Variants in SLIT2 observed in about 807,000 individuals in gnomAD.
The protein encoded by SLIT2 is slit guidance ligand 2.
A neutral mutation model predicts 185.7 loss-of-function variants in SLIT2; 41 were observed. The observed-to-expected ratio is 0.22, with a 90% CI of 0.17 to 0.29. The LOEUF (loss-of-function observed/expected upper bound fraction) is 0.29, where lower values mean the gene tolerates loss of function less well. SLIT2 is among the 10% of genes least tolerant of loss of function. The pLI, the probability that SLIT2 is intolerant of heterozygous loss-of-function variation, is 1.00. For missense variants in SLIT2, 1,571 were observed against 1,909.0 expected (o/e 0.82, Z 3.30); for synonymous variants, 693 against 680.2 (o/e 1.02, Z -0.29).
intron 4 of SLIT2, among the ~76,000 whole-genome samples, chr4:20,336,219 G>A (rs751685515): frequency 5.3e-5 from 8 of 152,162 alleles, no homozygotes; most frequent in South Asian, 4.1e-4. Flanking sequence ...ATTTTAATGA[G>A]CTGAAATTAG....
In SLIT2 at chr4:20,343,161, CATCT is replaced by C. The variant is rs563977195; in HGVS notation, c.395+74286_395+74289del. On this transcript the variant is annotated intron_variant, in intron 4 of 36. Coordinates refer to ENST00000504154, the MANE Select transcript of SLIT2 (RefSeq NM_004787.4). The stretch of plus-strand genomic sequence containing the variant: ...TTCTATCAAAGGTTAGGATTTATTC[CATCT>C]ATCTAATTGTATGTTTGTACCCATT... 6.4e-3 allele frequency among the ~76,000 whole-genome samples: 966 copies of C among 151,968 alleles called. 4 individuals are homozygous for C. Among genetic ancestry groups the C allele is most frequent in the Non-Finnish European group, 0.011 (715 of 67,974 alleles).
intron 4 of SLIT2, among the ~76,000 whole-genome samples, chr4:20,449,146 T>C (rs1291233270): frequency 2.6e-5 from 4 of 152,276 alleles, no homozygotes; most frequent in Admixed American, 1.3e-4. Context: ...TCAATTGTTT[T>C]CAATTAAAGT....
chr4:20,513,453 A>G (rs892960502), intron 11 of SLIT2, among the ~76,000 whole-genome samples: 3 of 152,222 alleles, frequency 2.0e-5, no homozygotes, highest in African/African-American at 7.2e-5. Flanking sequence ...TCCATAAAAT[A>G]TATAACTACA....
intron 26 of SLIT2, among the ~76,000 whole-genome samples, chr4:20,565,654 T>C (rs1021890121): frequency 3.9e-5 from 6 of 151,946 alleles, no homozygotes; most frequent in African/African-American, 1.2e-4. Context: ...CCTTTAGTTA[T>C]TGTAGTTACC....
At chr4:20,454,147 G>C (rs1712784613) in intron 4 of SLIT2, among the ~76,000 whole-genome samples, 1 of 152,094 alleles carries the variant, frequency 6.6e-6, no homozygotes, top group African/African-American at 2.4e-5. Flanking sequence ...TTCTCCCAAG[G>C]CTTCAAACCT....
At position 20,522,942 on chromosome 4, in the gene SLIT2, G is replaced by A. The variant is rs183302844; in HGVS notation, c.1131-818G>A. The stretch of plus-strand genomic sequence containing the variant: ...ATGACAGTCAGCAGTAACATAGTAA[G>A]TTGTGTAGCAGAAAAAAAATGTATA... On this transcript the variant is annotated intron_variant, in intron 12 of 36. Coordinates refer to ENST00000504154, the MANE Select transcript of SLIT2 (RefSeq NM_004787.4). Among the ~76,000 whole-genome samples, 4 of 152,156 alleles carry A rather than the reference G, an allele frequency of 2.6e-5. No homozygotes were observed. The East Asian group carries it at 7.7e-4, about 29-fold the overall frequency.
Position 20,451,979 on chromosome 4 carries a change from C to T in SLIT2, c.396-15773C>T, listed in dbSNP as rs180703983. Among the ~76,000 whole-genome samples, 10 of 152,230 alleles carry T rather than the reference C, an allele frequency of 6.6e-5. No individual in the cohort carries two copies. The East Asian group carries it at 7.7e-4, about 12-fold the overall frequency. On this transcript the variant is annotated intron_variant, in intron 4 of 36. Transcript: ENST00000504154. ...CAAAACAACCAAAGCATTTGCGTTA[C>T]GTTAAAAATGTTAAAAGTAAATTTT...
At position 20,404,983 on chromosome 4, in the gene SLIT2, G is replaced by T. The variant is rs76681288; in HGVS notation, c.396-62769G>T. Among the ~76,000 whole-genome samples, 720 of 151,332 alleles carry T rather than the reference G, an allele frequency of 4.8e-3. 6 individuals carry two copies. Among genetic ancestry groups the T allele is most frequent in the African/African-American group, 0.017 (685 of 41,330 alleles). On this transcript the variant is annotated intron_variant, in intron 4 of 36. Coordinates refer to ENST00000504154, the MANE Select transcript of SLIT2 (RefSeq NM_004787.4). Reference sequence around the variant, plus strand: ...AACATTTTTATGAACCTCTGTAAAAGATTTTATTTGTATATAATTCTCTGA... The same window carrying T: ...AACATTTTTATGAACCTCTGTAAAATATTTTATTTGTATATAATTCTCTGA...
chr4:20,617,589 A>G lies in SLIT2; in HGVS notation c.4287A>G (p.Ser1429=). 6.2e-7 allele frequency: 1 copy of G among 1,613,462 alleles called. No homozygotes were observed. The highest frequency in any genetic ancestry group is 1.3e-5 in the African/African-American group (1 of 75,038). The stretch of plus-strand genomic sequence containing the variant: ...GCAAGCATGGGAAGTGCAGGCTTTC[A>G]GGTCTGGGGCAGCCCTACTGTGAAT... ...IKCKHGKCRL[S]GLGQPYCECS... The change falls in exon 36 of 37, where the codon TCA becomes TCG. Residue 1429 remains serine, a synonymous_variant. Coordinates refer to ENST00000504154, the MANE Select transcript of SLIT2 (RefSeq NM_004787.4).
At chr4:20,408,318 C>G (rs1275575304) in intron 4 of SLIT2, among the ~76,000 whole-genome samples, 1 of 152,136 alleles carries the variant, frequency 6.6e-6, no homozygotes, top group Non-Finnish European at 1.5e-5. Context: ...TGTAGTTATT[C>G]CACCAGAAGA....
chr4:20,334,134 A>G (rs1253885885), intron 4 of SLIT2, among the ~76,000 whole-genome samples: 3 of 152,176 alleles, frequency 2.0e-5, no homozygotes, highest in African/African-American at 7.2e-5. Context: ...GAGAGAAAAT[A>G]TGGTTATCCC....
intron 25 of SLIT2, among the ~76,000 whole-genome samples, chr4:20,553,118 G>A (rs1723923217): frequency 6.6e-6 from 1 of 152,108 alleles, no homozygotes; most frequent in Non-Finnish European, 1.5e-5. Flanking sequence ...GCTCAGCTCT[G>A]GTGAGCTAGC....
chr4:20,479,281 T>C (rs1238143941), intron 5 of SLIT2, among the ~76,000 whole-genome samples: 1 of 152,190 alleles, frequency 6.6e-6, no homozygotes, highest in Admixed American at 6.5e-5. Flanking sequence ...AAGAGGCCCA[T>C]CTGAAAGTCA....
chr4:20,615,379 A>G (rs1729572098), intron 34 of SLIT2: 1 of 152,146 alleles, frequency 6.6e-6, no homozygotes, highest in Non-Finnish European at 1.5e-5. Context: ...GGACTACCCA[A>G]ATCACCTGAG....
chr4:20,580,411 GTGT>G (rs1346511016), intron 29 of SLIT2, among the ~76,000 whole-genome samples: 1 of 16,320 alleles, frequency 6.1e-5, no homozygotes, highest in Non-Finnish European at 1.0e-4. Context: ...TATATTATAC[GTGT>G]GTGTGTGTGT....
At chr4:20,434,492 A>G (rs1167634921) in intron 4 of SLIT2, among the ~76,000 whole-genome samples, 1 of 152,150 alleles carries the variant, frequency 6.6e-6, no homozygotes, top group African/African-American at 2.4e-5. Context: ...TGTCTCAAAA[A>G]AAGAAAAAGA....
intron 4 of SLIT2, among the ~76,000 whole-genome samples, chr4:20,368,253 AAG>A (rs1225363402): frequency 1.3e-5 from 2 of 151,184 alleles, no homozygotes. Context: ...AGAAAGAAAA[AAG>A]AGAAAGAATG....
chr4:20,408,980 C>G (rs892542705), intron 4 of SLIT2, among the ~76,000 whole-genome samples: 1 of 151,312 alleles, frequency 6.6e-6, no homozygotes, highest in African/African-American at 2.4e-5. Context: ...TGCTCATATG[C>G]ATTTGCATGT....
chr4:20,267,033 G>A (rs1713100247), intron 3 of SLIT2, among the ~76,000 whole-genome samples: 1 of 151,900 alleles, frequency 6.6e-6, no homozygotes. Context: ...TTTAGAAATT[G>A]GAATTGGCTC....
Sources: gnomAD v4.1 joint callset for allele counts (sites outside exome capture counted in the v4.1 genomes callset) on GRCh38, gnomAD v4.1.1 for gene constraint, MANE v1.5 for transcripts, NCBI Gene and HGNC (gene_info 2026-07-23, HGNC 2026-07-21) for gene names.